The following DLGAP2 variants were observed in gnomAD, a reference collection of about 807,000 sequenced individuals.
DLGAP2 encodes DLG associated protein 2.
DLGAP2 carries 26 observed loss-of-function variants against 100.3 expected under a neutral mutation model. The observed-to-expected ratio is 0.26, with a 90% CI of 0.19 to 0.36. DLGAP2 has a LOEUF of 0.36. DLGAP2 is among the 10% of genes least tolerant of loss of function. DLGAP2 has a pLI of 1.00. For synonymous variants in DLGAP2, 886 were observed against 630.1 expected (o/e 1.41, Z -6.08); for missense variants, 1,858 against 1,453.2 (o/e 1.28, Z -4.53).
intron 3 of DLGAP2, among the ~76,000 whole-genome samples, chr8:1,430,613 C>G (rs1206061325): frequency 2.0e-5 from 3 of 152,206 alleles, no homozygotes; most frequent in Non-Finnish European, 2.9e-5. Context: ...ATGGATCTCA[C>G]ACAGTTGCCT....
intron 2 of DLGAP2, among the ~76,000 whole-genome samples, chr8:1,092,623 A>G (rs1804223073): frequency 6.6e-6 from 1 of 152,204 alleles, no homozygotes. Flanking sequence ...AGAGCCTTCA[A>G]GGCTGCAGAC....
At chr8:911,810 T>TGCTGGAGAACACATCAGAAGCCA (rs1410060899) in intron 2 of DLGAP2, among the ~76,000 whole-genome samples, 1 of 152,204 alleles carries the variant, frequency 6.6e-6, no homozygotes, top group African/African-American at 2.4e-5. Context: ...GTTGGAAGGA[T>TGCTGGAGAACACATCAGAAGCCA]GCTGGAGAAC....
At chr8:1,699,410 A>C (rs1272021554) in intron 14 of DLGAP2, among the ~76,000 whole-genome samples, 4 of 151,460 alleles carry the variant, frequency 2.6e-5, no homozygotes, top group Non-Finnish European at 5.9e-5. Context: ...TCAAGATCAT[A>C]CTGGCTAACA....
At chr8:1,187,547 C>T (rs183256083) in intron 2 of DLGAP2, among the ~76,000 whole-genome samples, 1,913 of 134,306 alleles carry the variant, frequency 0.014, 33 homozygotes, top group East Asian at 0.078. Context: ...CCGGGACCTC[C>T]GTGACGTTTG....
At chr8:1,530,235 GC>G (rs1415669855) in intron 4 of DLGAP2, among the ~76,000 whole-genome samples, 1 of 152,220 alleles carries the variant, frequency 6.6e-6, no homozygotes, top group East Asian at 1.9e-4. Flanking sequence ...ACCTGGGGGG[GC>G]TGTTTATAAG....
chr8:1,122,049 C>T (rs955982006), intron 2 of DLGAP2, among the ~76,000 whole-genome samples: 5 of 152,164 alleles, frequency 3.3e-5, no homozygotes, highest in African/African-American at 9.7e-5. Context: ...GCATTTGCCC[C>T]TCGTGGTAAT....
intron 2 of DLGAP2, among the ~76,000 whole-genome samples, chr8:1,106,310 T>G (rs953892152): frequency 6.0e-5 from 9 of 150,484 alleles, no homozygotes; most frequent in Non-Finnish European, 1.2e-4. Context: ...TAGAAGGGTT[T>G]TCTATTGAGG....
chr8:1,605,642 C>G (rs1796772711), intron 6 of DLGAP2, among the ~76,000 whole-genome samples: 1 of 152,148 alleles, frequency 6.6e-6, no homozygotes, highest in African/African-American at 2.4e-5. Context: ...TCCAGCAAAT[C>G]TGTGATCCCG....
intron 3 of DLGAP2, among the ~76,000 whole-genome samples, chr8:1,342,523 C>T (rs1000027043): frequency 0.12 from 14 of 116 alleles, no homozygotes; most frequent in East Asian, 0.25. Flanking sequence ...GTTTGTGGGC[C>T]GTGCGGCTCA....
chr8:823,048 A>G (rs986150729), intron 1 of DLGAP2, among the ~76,000 whole-genome samples: 5 of 151,934 alleles, frequency 3.3e-5, no homozygotes, highest in African/African-American at 9.7e-5. Context: ...GGAAAGGTCT[A>G]AATTTCAGGG....
intron 2 of DLGAP2, among the ~76,000 whole-genome samples, chr8:1,143,433 G>C (rs75932075): frequency 0.036 from 5,459 of 152,260 alleles, 178 homozygotes; most frequent in East Asian, 0.18. Flanking sequence ...TGGTTCCACG[G>C]TTTCTTTCCA....
chr8:1,347,030 C>T (rs1324967253), intron 3 of DLGAP2, among the ~76,000 whole-genome samples: 3 of 151,976 alleles, frequency 2.0e-5, no homozygotes, highest in Non-Finnish European at 2.9e-5. Flanking sequence ...TACAGAGCTG[C>T]ACTGCTCTCA....
At chr8:943,214 C>A (rs181878879) in intron 2 of DLGAP2, among the ~76,000 whole-genome samples, 4 of 152,286 alleles carry the variant, frequency 2.6e-5, no homozygotes, top group East Asian at 3.9e-4. Context: ...TGCTCAGACA[C>A]AGGATGGCCA....
At chr8:1,096,076 T>C (rs1303257062) in intron 2 of DLGAP2, among the ~76,000 whole-genome samples, 2 of 152,364 alleles carry the variant, frequency 1.3e-5, no homozygotes, top group East Asian at 1.9e-4. Flanking sequence ...TGTTCAGAGA[T>C]GACGTTGCCC....
chr8:1,314,703 C>G (rs1427828762), intron 3 of DLGAP2, among the ~76,000 whole-genome samples: 1 of 152,202 alleles, frequency 6.6e-6, no homozygotes, highest in Non-Finnish European at 1.5e-5. Context: ...CTCTCCCACC[C>G]CTATCCGCCT....
intron 2 of DLGAP2, among the ~76,000 whole-genome samples, chr8:916,698 A>G (rs148000915): frequency 1.6e-4 from 25 of 152,322 alleles, no homozygotes; most frequent in African/African-American, 5.8e-4. Flanking sequence ...AAGAAACTCA[A>G]TCCAGGCTTC....
At chr8:1,267,735 G>A (rs1328038106) in intron 3 of DLGAP2, among the ~76,000 whole-genome samples, 3 of 151,966 alleles carry the variant, frequency 2.0e-5, no homozygotes, top group African/African-American at 7.3e-5. Flanking sequence ...AACTCTGTTG[G>A]ACTTCCTTTG....
At position 756,342 on chromosome 8, in the gene DLGAP2, G is replaced by A. The variant is rs964054122; in HGVS notation, c.18+18517G>A. ...TGGGGCTGACGGCAAAGACGATGTC[G>A]TTGTGGGACCGCCTTTGAGGGCCAG... On this transcript the variant is annotated intron_variant, in intron 1 of 14. Transcript: ENST00000637795. Among the ~76,000 whole-genome samples the A allele has an allele frequency of 1.3e-4, 20 of 152,176 alleles. 1 individual carries two copies. Among genetic ancestry groups the A allele is most frequent in the Non-Finnish European group, 2.9e-5 (2 of 68,036 alleles).
chr8:1,300,383 C>T (rs1313082703), intron 3 of DLGAP2: 1 of 152,200 alleles, frequency 6.6e-6, no homozygotes, highest in Admixed American at 6.5e-5. Flanking sequence ...TTTTCCCTCC[C>T]TACACTGGCG....
Sources: gnomAD v4.1 joint callset for allele counts (sites outside exome capture counted in the v4.1 genomes callset) on GRCh38, gnomAD v4.1.1 for gene constraint, MANE v1.5 for transcripts, NCBI Gene and HGNC (gene_info 2026-07-23, HGNC 2026-07-21) for gene names.